ARHGEF37: variants seen among roughly 807,000 people sequenced by gnomAD.
ARHGEF37 encodes Rho guanine nucleotide exchange factor 37, also known as Rho guanine nucleotide exchange factor (GEF) 37.
ARHGEF37 carries 55 observed loss-of-function variants against 71.1 expected under a neutral mutation model. The observed-to-expected ratio is 0.77, with a 90% CI of 0.62 to 0.97. ARHGEF37 has a LOEUF of 0.97. Ranked by LOEUF, ARHGEF37 falls within the 50% of genes least tolerant of loss-of-function variation. The pLI, the probability that ARHGEF37 is intolerant of heterozygous loss-of-function variation, is 0.00. For synonymous variants in ARHGEF37, 327 were observed against 350.6 expected (o/e 0.93, Z 0.75); for missense variants, 765 against 836.8 (o/e 0.91, Z 1.06).
At chr5:149,577,314 A>T (rs1763038575), upstream of ARHGEF37, among the ~76,000 whole-genome samples, 2 of 152,194 alleles carry the variant, frequency 1.3e-5, no homozygotes, top group Admixed American at 1.3e-4. Context: ...AGAGTGGTAG[A>T]TTTCACAAAG....
In ARHGEF37 at chr5:149,620,394, TC is replaced by T; in HGVS notation, c.939del (p.Glu314ArgfsTer20). 6.2e-7 allele frequency: 1 copy of T among 1,612,604 alleles called. No homozygotes were observed. Among genetic ancestry groups the T allele is most frequent in the Non-Finnish European group, 8.5e-7 (1 of 1,179,388 alleles). ...YFRPHEYNLDIPEGPAVQYCN... is the reference protein window; with the variant it reads ...YFRPHEYNLDXPEGPAVQYCN... ...AGGCCGCACGAATACAATCTGGACA[TC>T]CCCGAGGGGCCTGCAGTGCAGTATT... On this transcript the variant is annotated frameshift_variant, in exon 8 of 13. Coordinates refer to ENST00000333677, the MANE Select transcript of ARHGEF37 (RefSeq NM_001001669.3). LOFTEE classifies it high-confidence loss of function.
intron 9 of ARHGEF37, 78 bp from the exon 10 acceptor site, chr5:149,623,934 A>G (rs181660511): frequency 1.3e-6 from 2 of 1,499,338 alleles, no homozygotes; most frequent in East Asian, 4.6e-5. Flanking sequence ...GGTTGAAAAT[A>G]ATATAAACCC....
intron 5 of ARHGEF37, among the ~76,000 whole-genome samples, chr5:149,617,803 G>C (rs1284839916): frequency 1.3e-5 from 2 of 152,172 alleles, no homozygotes; most frequent in Non-Finnish European, 2.9e-5. Flanking sequence ...CAGCTGGCCT[G>C]GCTCAAAGTG....
Position 149,633,153 on chromosome 5 carries a change from TGTA to T in ARHGEF37, c.*964_*966del, listed in dbSNP as rs1752937065. On this transcript the variant is annotated 3_prime_UTR_variant, in exon 13 of 13. Transcript: ENST00000333677. ...ATGCAATTGGCTGTGGGACCTTAGA[TGTA>T]GGACACAACTTCAGTGTTCCCATCC... 6.6e-6 allele frequency: 1 copy of T among 152,348 alleles called. No homozygotes were observed. 9.4% of individuals were successfully genotyped at this position (152,348 alleles called of 1,614,324 possible).
Position 149,621,914 on chromosome 5 carries a change from A to G in ARHGEF37, c.1187A>G (p.Gln396Arg). 1.9e-6 allele frequency: 3 copies of G among 1,614,248 alleles called. No homozygotes were observed. Among genetic ancestry groups the G allele is most frequent in the Non-Finnish European group, 2.5e-6 (3 of 1,180,054 alleles). The change falls in exon 9 of 13, where the codon CAG becomes CGG. Residue 396 changes from glutamine (Q) to arginine (R), a missense_variant. Gln to Arg is a conservative substitution (Grantham distance 43). Around this residue, in one of 5 missense-constraint regions of ARHGEF37, gnomAD observed 390 missense variants for 407.4 expected, o/e 0.96. Coordinates refer to ENST00000333677, the MANE Select transcript of ARHGEF37 (RefSeq NM_001001669.3). Reference sequence around the variant, plus strand: ...GAGGAGGCCGCCCGGCACACATACCAGGCACTCAACTCGCTGCTAGTGGCT... The same window carrying G: ...GAGGAGGCCGCCCGGCACACATACCGGGCACTCAACTCGCTGCTAGTGGCT... ...YQEEAARHTY[Q>R]ALNSLLVAEL...
intron 8 of ARHGEF37, 77 bp downstream of exon 8, chr5:149,620,541 G>A (rs1752510093): frequency 6.3e-6 from 8 of 1,265,358 alleles, no homozygotes; most frequent in Non-Finnish European, 7.7e-6. Flanking sequence ...TAGAAGTCAG[G>A]CACTTTGGCC....
rs71587781 is a variant in ARHGEF37, at chr5:149,597,260, TAA to T, written c.-11-491_-11-490del. Among the ~76,000 whole-genome samples, 519 of 151,702 alleles carry T rather than the reference TAA, an allele frequency of 3.4e-3. 5 individuals are homozygous for T. Among genetic ancestry groups the T allele is most frequent in the African/African-American group, 0.012 (493 of 41,428 alleles). On this transcript the variant is annotated intron_variant, in intron 1 of 12. Transcript: ENST00000333677. Reference sequence around the variant, plus strand: ...ATTCAAAATGTCAAGAATTATCTATTAAAAAAAAATTTTTTTTGTAAGAATCT... The same window carrying T: ...ATTCAAAATGTCAAGAATTATCTATTAAAAAAATTTTTTTTGTAAGAATCT...
intron 1 of ARHGEF37, among the ~76,000 whole-genome samples, chr5:149,556,372 ATTTATTTATTTATTTAT>A (rs1465607993): frequency 6.8e-6 from 1 of 147,536 alleles, no homozygotes; most frequent in African/African-American, 2.5e-5. Context: ...TTTTGTATTT[ATTTATTTATTTATTTAT>A]TTATTTATTT....
chr5:149,584,649 G>C lies in ARHGEF37; in HGVS notation c.-12+3025G>C, dbSNP rs980150628. ...TCTTGAGATGGAGTCTCGCTCTGTCGCCCAGGCTGGAGTGCAATGGCATGA... is the reference window on the plus strand; with the variant it reads ...TCTTGAGATGGAGTCTCGCTCTGTCCCCCAGGCTGGAGTGCAATGGCATGA... On this transcript the variant is annotated intron_variant, in intron 1 of 12. Coordinates refer to ENST00000333677, the MANE Select transcript of ARHGEF37 (RefSeq NM_001001669.3). Among the ~76,000 whole-genome samples the C allele has an allele frequency of 5.3e-5, 8 of 150,140 alleles. No homozygotes were observed. The Admixed American group carries it at 5.3e-4, about 10-fold the overall frequency.
chr5:149,559,107 G>C (rs1037548816), intron 1 of ARHGEF37, among the ~76,000 whole-genome samples: 48 of 152,186 alleles, frequency 3.2e-4, no homozygotes, highest in Non-Finnish European at 6.8e-4. Context: ...CAGATCATGA[G>C]GTCAAGAGTT....
rs531304012 is a variant in ARHGEF37, at chr5:149,609,661, C to T, written c.424C>T (p.Gln142Ter). 11 of 1,612,516 alleles carry T rather than the reference C, an allele frequency of 6.8e-6. No individual in the cohort carries two copies. The highest frequency in any genetic ancestry group is 9.3e-6 in the Non-Finnish European group (11 of 1,180,042). The change falls in exon 4 of 13, where the codon CAG becomes TAG. Residue 142 changes from glutamine (Q) to a stop codon, truncating the protein, a stop_gained. Transcript: ENST00000333677. LOFTEE classifies it high-confidence loss of function. ...VDTYRKEPEL[Q>*]RHIQGIVEAV... ...CACGTACCGGAAGGAGCCGGAGCTGCAGCGGCACATCCAGGGCATCGTTGA... is the reference window on the plus strand; with the variant it reads ...CACGTACCGGAAGGAGCCGGAGCTGTAGCGGCACATCCAGGGCATCGTTGA...
In ARHGEF37 at chr5:149,619,840, C is replaced by T. The variant is rs546575335; in HGVS notation, c.895-514C>T. Among the ~76,000 whole-genome samples, 4 of 152,152 alleles carry T rather than the reference C, an allele frequency of 2.6e-5. No homozygotes were observed. The South Asian group carries it at 8.3e-4, about 32-fold the overall frequency. On this transcript the variant is annotated intron_variant, in intron 7 of 12. Transcript: ENST00000333677. ...ATCCCAGAATTTTGGAAGGCCGAGG[C>T]GGGAAGATCACTTGAGGTCAGGAGT...
intron 1 of ARHGEF37, among the ~76,000 whole-genome samples, chr5:149,552,275 A>C (rs1218187262): frequency 6.6e-6 from 1 of 150,840 alleles, no homozygotes; most frequent in Non-Finnish European, 1.5e-5. Flanking sequence ...TGAAAACCTC[A>C]GTATTAACCT....
chr5:149,626,786 G>A, intron 10 of ARHGEF37: 1 of 266,800 alleles, frequency 3.7e-6, no homozygotes, highest in Non-Finnish European at 7.1e-6. Flanking sequence ...GACGGTATGG[G>A]CAGAATTTAG....
At position 149,597,890 on chromosome 5, in the gene ARHGEF37, AC is replaced by A; in HGVS notation, c.122del (p.Thr41MetfsTer41). Reference protein sequence around the residue: ...QRLAVRELIDTEVSYLHMLQL... With the variant: ...QRLAVRELIDXEVSYLHMLQL... The stretch of plus-strand genomic sequence containing the variant: ...GCTGGCTGTCCGGGAGCTCATCGAC[AC>A]TGAGGTCTCCTACTTGCACATGCTC... On this transcript the variant is annotated frameshift_variant, in exon 2 of 13. Coordinates refer to ENST00000333677, the MANE Select transcript of ARHGEF37 (RefSeq NM_001001669.3). LOFTEE classifies it high-confidence loss of function. 6.2e-7 allele frequency: 1 copy of A among 1,609,906 alleles called. No individual in the cohort carries two copies. The highest frequency in any genetic ancestry group is 8.5e-7 in the Non-Finnish European group (1 of 1,178,200).
At chr5:149,611,402 G>T (rs1039653733) in intron 4 of ARHGEF37, among the ~76,000 whole-genome samples, 1 of 152,256 alleles carries the variant, frequency 6.6e-6, no homozygotes, top group African/African-American at 2.4e-5. Flanking sequence ...AAACTTAGAT[G>T]TAACATCTCT....
At chr5:149,613,411 A>G (rs1752259247) in intron 4 of ARHGEF37, among the ~76,000 whole-genome samples, 1 of 151,738 alleles carries the variant, frequency 6.6e-6, no homozygotes, top group Non-Finnish European at 1.5e-5. Flanking sequence ...CAGTGGTGCA[A>G]TCTCAGCTCA....
At position 149,621,729 on chromosome 5, in the gene ARHGEF37, A is replaced by G. The variant is rs1236854574; in HGVS notation, c.1006-4A>G. The G allele has an allele frequency of 3.7e-6, 6 of 1,607,394 alleles. No individual in the cohort carries two copies. Among genetic ancestry groups the G allele is most frequent in the Admixed American group, 1.7e-5 (1 of 59,500 alleles). On this transcript the variant is annotated splice_region_variant and splice_polypyrimidine_tract_variant and intron_variant, in intron 8 of 12. Transcript: ENST00000333677. ...CCGACTCCCACGCTCATGTCTCCCC[A>G]CAGAAGCAACGGCTAGAAGGCCTGG...
At chr5:149,556,186 G>C (rs1762753067) in intron 1 of ARHGEF37, among the ~76,000 whole-genome samples, 1 of 151,786 alleles carries the variant, frequency 6.6e-6, no homozygotes, top group Admixed American at 6.6e-5. Context: ...CCCAAGTGTT[G>C]TTTATTTTAT....
Sources: gnomAD v4.1 joint callset for allele counts (sites outside exome capture counted in the v4.1 genomes callset) on GRCh38, gnomAD v4.1.1 for gene constraint, gnomAD v4.1.1 regional missense constraint, MANE v1.5 for transcripts, NCBI Gene and HGNC (gene_info 2026-07-23, HGNC 2026-07-21) for gene names.